The following FAM117B variants were observed in gnomAD, a reference collection of about 807,000 sequenced individuals.
FAM117B encodes the protein protein FAM117B.
FAM117B carries 22 observed loss-of-function variants against 52.8 expected under a neutral mutation model. That is an observed-to-expected ratio of 0.42 (90% CI 0.30 to 0.59). The LOEUF (loss-of-function observed/expected upper bound fraction) is 0.59, where lower values mean the gene tolerates loss of function less well. Among genes scored for constraint, FAM117B ranks in the 20% least tolerant of loss-of-function variants. The probability of loss-of-function intolerance (pLI) is 0.22; values close to 1 mark genes in which losing one functional copy is unlikely to be tolerated. For synonymous variants in FAM117B, 309 were observed against 324.1 expected (o/e 0.95, Z 0.50); for missense variants, 678 against 802.6 (o/e 0.84, Z 1.88).
intron 1 of FAM117B, among the ~76,000 whole-genome samples, chr2:202,662,109 A>C (rs1690137546): frequency 6.8e-6 from 1 of 147,006 alleles, no homozygotes; most frequent in Admixed American, 6.8e-5. Flanking sequence ...GATAAAGAAA[A>C]TGTGAGGTAG....
Position 202,635,255 on chromosome 2 carries a change from C to A in FAM117B, c.68C>A (p.Ala23Asp). ...GGCTCCCTTGGGGGTGGTGCGGTGGCCACGGCCGGGGGACCCGGGAGCCGC... is the reference window on the plus strand; with the variant it reads ...GGCTCCCTTGGGGGTGGTGCGGTGGACACGGCCGGGGGACCCGGGAGCCGC... ...PAGSLGGGAV[A>D]TAGGPGSRLQ... is the part of the protein sequence containing the mutation. The change falls in exon 1 of 8, where the codon GCC becomes GAC. Residue 23 changes from alanine to aspartate, a missense_variant. Coordinates refer to ENST00000392238, the MANE Select transcript of FAM117B (RefSeq NM_173511.4). 7.3e-7 allele frequency: 1 copy of A among 1,369,626 alleles called. No individual in the cohort carries two copies. Among genetic ancestry groups the A allele is most frequent in the Non-Finnish European group, 9.4e-7 (1 of 1,059,104 alleles). The allele number at this position is 1,369,626 out of a possible 1,614,324, so 84.8% of individuals were successfully genotyped here.
In FAM117B at chr2:202,704,757, A is replaced by AAT. The variant is rs752038272; in HGVS notation, c.753+8739_753+8740dup. Among the ~76,000 whole-genome samples, 819 of 150,018 alleles carry AAT rather than the reference A, an allele frequency of 5.5e-3. 5 individuals carry two copies. The highest frequency in any genetic ancestry group is 0.015 in the African/African-American group (632 of 41,066). ...TAGGTGCCCACCACCATGCCCGGCT[A>AAT]ATATATATATATATAGTATTTTTAG... On this transcript the variant is annotated intron_variant, in intron 2 of 7. Transcript: ENST00000392238.
chr2:202,645,852 C>A (rs182334035), intron 1 of FAM117B, among the ~76,000 whole-genome samples: 1 of 147,478 alleles, frequency 6.8e-6, no homozygotes, highest in African/African-American at 2.5e-5. Context: ...GTGATCCGCC[C>A]GCCTTGGCCT....
chr2:202,655,286 G>A (rs539713103), intron 1 of FAM117B, among the ~76,000 whole-genome samples: 1 of 152,162 alleles, frequency 6.6e-6, no homozygotes, highest in Non-Finnish European at 1.5e-5. Flanking sequence ...GAAGGGTATT[G>A]GGGAGTTTGT....
chr2:202,761,906 A>G (rs1480137083), intron 7 of FAM117B, among the ~76,000 whole-genome samples: 5 of 151,722 alleles, frequency 3.3e-5, no homozygotes, highest in African/African-American at 9.7e-5. Context: ...AATGTTTATT[A>G]TACGTTTTAC....
At chr2:202,689,921 G>A (rs1690596096) in intron 1 of FAM117B, among the ~76,000 whole-genome samples, 1 of 152,076 alleles carries the variant, frequency 6.6e-6, no homozygotes, top group African/African-American at 2.4e-5. Context: ...CGGCCTGGGT[G>A]ACAGAGTGAG....
rs1024944371 is a variant in FAM117B, at chr2:202,756,827, C to T, written c.1105-386C>T. Among the ~76,000 whole-genome samples, 3 of 152,274 alleles carry T rather than the reference C, an allele frequency of 2.0e-5. No individual in the cohort carries two copies. In the East Asian group the frequency reaches 5.8e-4, roughly 29 times the overall value. ...AAAAAATCCTTTCAGGGCGTGGCAT[C>T]AGTGTTCCTGGTTCACATGATGAAT... is the stretch of plus-strand genomic sequence containing the variant. On this transcript the variant is annotated intron_variant, in intron 5 of 7. Coordinates refer to ENST00000392238, the MANE Select transcript of FAM117B (RefSeq NM_173511.4).
intron 3 of FAM117B, among the ~76,000 whole-genome samples, chr2:202,725,485 A>AT (rs1175301979): frequency 6.6e-6 from 1 of 151,776 alleles, no homozygotes; most frequent in Non-Finnish European, 1.5e-5. Context: ...TGGCCAGCTA[A>AT]TTTTTGTATT....
chr2:202,641,266 T>A lies in FAM117B; in HGVS notation c.601+5478T>A, dbSNP rs79113761. Reference sequence around the variant, plus strand: ...GGAAGAACAGAACTTTGCAGTTGGATCTTAGAGGTGTGAAAATAAGCCTAT... The same window carrying A: ...GGAAGAACAGAACTTTGCAGTTGGAACTTAGAGGTGTGAAAATAAGCCTAT... On this transcript the variant is annotated intron_variant, in intron 1 of 7. Coordinates refer to ENST00000392238, the MANE Select transcript of FAM117B (RefSeq NM_173511.4). 8.3e-3 allele frequency among the ~76,000 whole-genome samples: 1,262 copies of A among 152,326 alleles called. 22 individuals carry two copies. Among genetic ancestry groups the A allele is most frequent in the African/African-American group, 0.029 (1,192 of 41,552 alleles).
chr2:202,739,697 TCCTCCCTC>T (rs1691494891), intron 4 of FAM117B, among the ~76,000 whole-genome samples: 1 of 152,040 alleles, frequency 6.6e-6, no homozygotes. Context: ...CCTTAAGCAG[TCCTCCCTC>T]GGACTCAGCC....
chr2:202,698,144 C>T (rs572448007), intron 2 of FAM117B, among the ~76,000 whole-genome samples: 18 of 152,308 alleles, frequency 1.2e-4, no homozygotes, highest in Admixed American at 2.0e-4. Flanking sequence ...GGATTATAGG[C>T]GTGAGCCAAG....
chr2:202,733,852 G>A (rs1157239511), intron 4 of FAM117B, among the ~76,000 whole-genome samples: 2 of 152,148 alleles, frequency 1.3e-5, no homozygotes, highest in African/African-American at 4.8e-5. Flanking sequence ...AGCTTACAAA[G>A]ATAACAGGAT....
chr2:202,637,873 CTTTTT>C (rs556979899), intron 1 of FAM117B, among the ~76,000 whole-genome samples: 46 of 130,748 alleles, frequency 3.5e-4, no homozygotes, highest in Non-Finnish European at 1.1e-4. Context: ...AGTTAGGTAA[CTTTTT>C]TTTTTTTTTT....
intron 1 of FAM117B, among the ~76,000 whole-genome samples, chr2:202,678,542 C>A (rs1348539679): frequency 2.6e-5 from 4 of 152,094 alleles, no homozygotes; most frequent in African/African-American, 9.7e-5. Flanking sequence ...GTGGGAATCT[C>A]CATGTTTGAG....
At chr2:202,644,336 A>G (rs777888527) in intron 1 of FAM117B, among the ~76,000 whole-genome samples, 7 of 152,160 alleles carry the variant, frequency 4.6e-5, no homozygotes, top group Middle Eastern at 3.4e-3. Context: ...TTCGTTTTCT[A>G]TGTACCTATC....
intron 1 of FAM117B, among the ~76,000 whole-genome samples, chr2:202,657,210 C>T (rs1235989439): frequency 6.6e-6 from 1 of 152,160 alleles, no homozygotes; most frequent in Non-Finnish European, 1.5e-5. Context: ...GCCTCAGCCT[C>T]CTGAGTAGCT....
rs1689674902 is a variant in FAM117B, at chr2:202,635,788, G to C, written c.601G>C (p.Gly201Arg). ...RSPSAPVCKA[G>R]DKTRQPSSSP... is the part of the protein sequence containing the mutation. ...CCCCAGCGCCCCGGTTTGCAAAGCA[G>C]GTAAGTGCTGGGGGTCGCGCAGCAA... The change falls in exon 1 of 8, where the codon GGT (glycine) becomes CGT (arginine). Residue 201 changes from glycine (G) to arginine (R), a missense_variant and splice_region_variant. Gly to Arg is a moderately radical substitution (Grantham distance 125). Transcript: ENST00000392238. 3.5e-6 allele frequency: 5 copies of C among 1,448,906 alleles called. No individual in the cohort carries two copies. The highest frequency in any genetic ancestry group is 1.5e-5 in the African/African-American group (1 of 67,740). The allele number at this position is 1,448,906 out of a possible 1,614,324, so 89.8% of individuals were successfully genotyped here. A position where few individuals can be genotyped will look rare whatever the true frequency, so the allele number is the denominator to read the frequency against.
intron 7 of FAM117B, among the ~76,000 whole-genome samples, chr2:202,763,370 C>T (rs907612301): frequency 6.6e-6 from 1 of 152,070 alleles, no homozygotes; most frequent in South Asian, 2.1e-4. Context: ...CTGCGCCTGG[C>T]CTTCTTAAGT....
chr2:202,689,152 G>T (rs1359080741), intron 1 of FAM117B, among the ~76,000 whole-genome samples: 2 of 152,132 alleles, frequency 1.3e-5, no homozygotes, highest in African/African-American at 4.8e-5. Flanking sequence ...CATTAAAGTG[G>T]TTTTCTGCCT....
Sources: allele counts gnomAD v4.1 joint callset (sites outside exome capture counted in the v4.1 genomes callset), GRCh38; gene constraint gnomAD v4.1.1; transcripts MANE v1.5; gene names NCBI Gene and HGNC (gene_info 2026-07-23, HGNC 2026-07-21).